Variants in ZNF503 observed in about 807,000 individuals in gnomAD.
The protein encoded by ZNF503 is NocA-like zinc finger 2.
ZNF503 carries 15 observed loss-of-function variants against 34.4 expected under a neutral mutation model. The ratio of observed to expected loss-of-function variants is 0.44; its 90% CI spans 0.29 to 0.67. The LOEUF (loss-of-function observed/expected upper bound fraction) is 0.67. Among genes scored for constraint, ZNF503 ranks in the 30% least tolerant of loss-of-function variants. The probability of loss-of-function intolerance (pLI) is 0.13; values close to 1 mark genes in which losing one functional copy is unlikely to be tolerated. For missense variants in ZNF503, 1,007 were observed against 926.8 expected (o/e 1.09, Z -1.12); for synonymous variants, 580 against 456.8 (o/e 1.27, Z -3.44).
the ZNF503 span, among the ~76,000 whole-genome samples, chr10:75,313,089 C>A: frequency 6.6e-6 from 1 of 152,172 alleles, no homozygotes; most frequent in East Asian, 1.9e-4. Flanking sequence ...AACCTCTTTC[C>A]TTTATAAATT....
the ZNF503 span, among the ~76,000 whole-genome samples, chr10:75,386,477 A>T: frequency 1.3e-4 from 20 of 152,146 alleles, no homozygotes; most frequent in Non-Finnish European, 8.8e-5. Context: ...CCTGCTGTCC[A>T]TTCCAGCTCA....
the ZNF503 span, among the ~76,000 whole-genome samples, chr10:75,300,888 T>G: frequency 0.29 from 43,865 of 151,580 alleles, 6,524 homozygotes; most frequent in South Asian, 0.49. Context: ...GTATTTTTAG[T>G]AGAGATGGGG....
the ZNF503 span, among the ~76,000 whole-genome samples, chr10:75,330,077 T>G: frequency 6.6e-6 from 1 of 152,226 alleles, no homozygotes; most frequent in Non-Finnish European, 1.5e-5. Context: ...ATGTTGAGTT[T>G]TATCAAATGC....
chr10:75,322,001 T>TG, the ZNF503 span, among the ~76,000 whole-genome samples: 1 of 152,198 alleles, frequency 6.6e-6, no homozygotes, highest in African/African-American at 2.4e-5. Context: ...GTAGTTGCCA[T>TG]GGAGCACTCA....
the ZNF503 span, among the ~76,000 whole-genome samples, chr10:75,298,303 C>T: frequency 4.9e-4 from 75 of 152,300 alleles, no homozygotes; most frequent in African/African-American, 1.8e-3. Context: ...AATTCGAGAA[C>T]ATTTTAATCA....
chr10:75,358,739 G>A, the ZNF503 span: 2 of 152,132 alleles, frequency 1.3e-5, no homozygotes, highest in African/African-American at 2.4e-5. Context: ...TTAACAAATG[G>A]ACTCCCTGTG....
At chr10:75,362,335 AG>A in the ZNF503 span, among the ~76,000 whole-genome samples, 1 of 151,684 alleles carries the variant, frequency 6.6e-6, no homozygotes, top group South Asian at 2.1e-4. Context: ...ATGCCCCAAA[AG>A]GGGGGCGGTA....
chr10:75,332,212 T>C, the ZNF503 span, among the ~76,000 whole-genome samples: 1 of 152,094 alleles, frequency 6.6e-6, no homozygotes, highest in Non-Finnish European at 1.5e-5. Flanking sequence ...TAGTCAATAA[T>C]CTCTTTAAAT....
the ZNF503 span, among the ~76,000 whole-genome samples, chr10:75,281,541 G>T: frequency 6.6e-6 from 1 of 152,132 alleles, no homozygotes; most frequent in African/African-American, 2.4e-5. Context: ...CACGACTGGG[G>T]GATGCTCTGT....
the ZNF503 span, among the ~76,000 whole-genome samples, chr10:75,317,563 G>A: frequency 6.6e-6 from 1 of 151,968 alleles, no homozygotes; most frequent in African/African-American, 2.4e-5. Flanking sequence ...GGGATTACAG[G>A]CATGAGCCAC....
At chr10:75,310,796 G>A in the ZNF503 span, among the ~76,000 whole-genome samples, 1 of 152,096 alleles carries the variant, frequency 6.6e-6, no homozygotes, top group African/African-American at 2.4e-5. Flanking sequence ...ACTACTACCT[G>A]CACCTAGCAA....
the ZNF503 span, among the ~76,000 whole-genome samples, chr10:75,378,964 G>C: frequency 6.6e-6 from 1 of 151,988 alleles, no homozygotes; most frequent in Admixed American, 6.6e-5. Context: ...CACCCTGTCT[G>C]TTCCTCACCT....
At chr10:75,390,619 G>T in the ZNF503 span, among the ~76,000 whole-genome samples, 1 of 152,152 alleles carries the variant, frequency 6.6e-6, no homozygotes, top group Non-Finnish European at 1.5e-5. Flanking sequence ...ACAAGAATTT[G>T]TGTTTAAAAG....
chr10:75,283,375 A>G, the ZNF503 span: 1 of 152,292 alleles, frequency 6.6e-6, no homozygotes, highest in East Asian at 1.9e-4. Context: ...GCTGGTGTCA[A>G]TCCTCCTCCT....
the ZNF503 span, among the ~76,000 whole-genome samples, chr10:75,383,397 T>TC: frequency 2.0e-5 from 3 of 152,062 alleles, no homozygotes; most frequent in East Asian, 3.9e-4. Flanking sequence ...TGCCTGAGTT[T>TC]CCCCCCACTT....
the ZNF503 span, chr10:75,382,441 C>G: frequency 2.0e-6 from 1 of 494,068 alleles, no homozygotes; most frequent in Non-Finnish European, 3.8e-6. Context: ...TTTCCATTCT[C>G]TTTACCTCCT....
chr10:75,357,118 T>C, the ZNF503 span, among the ~76,000 whole-genome samples: 1,710 of 147,604 alleles, frequency 0.012, 24 homozygotes, highest in African/African-American at 0.039. Flanking sequence ...CTCTAACCCC[T>C]TTTTTTTTTA....
the ZNF503 span, chr10:75,280,319 T>C: frequency 6.6e-6 from 1 of 152,232 alleles, no homozygotes; most frequent in African/African-American, 2.4e-5. Flanking sequence ...TTGGAGGTAA[T>C]CTGGCTGCTG....
chr10:75,373,192 G>A, the ZNF503 span, among the ~76,000 whole-genome samples: 1 of 152,252 alleles, frequency 6.6e-6, no homozygotes, highest in Non-Finnish European at 1.5e-5. Flanking sequence ...TTGGCTGCAG[G>A]GAACTGCTTT....
Sources: gnomAD v4.1 joint callset for allele counts (sites outside exome capture counted in the v4.1 genomes callset) on GRCh38, gnomAD v4.1.1 for gene constraint, MANE v1.5 for transcripts, NCBI Gene and HGNC (gene_info 2026-07-23, HGNC 2026-07-21) for gene names.